Variants in TNNI3K observed in about 807,000 individuals in gnomAD.
TNNI3K encodes the protein serine/threonine-protein kinase TNNI3K.
A neutral mutation model predicts 114.5 loss-of-function variants in TNNI3K; 140 were observed. The observed-to-expected ratio is 1.22, with a 90% CI of 1.07 to 1.41. TNNI3K has a LOEUF of 1.41. Among genes scored for constraint, TNNI3K ranks in the 40% most tolerant of loss-of-function variants. The pLI, the probability that TNNI3K is intolerant of heterozygous loss-of-function variation, is 0.00. For missense variants in TNNI3K, 1,125 were observed against 1,007.6 expected, an observed-to-expected ratio of 1.12 and a Z score of -1.58; for synonymous variants, 347 against 347.5, an observed-to-expected ratio of 1.00 and a Z score of 0.02.
chr1:74,441,475 CT>C (rs2100673734), intron 20 of TNNI3K, among the ~76,000 whole-genome samples: 1 of 152,186 alleles, frequency 6.6e-6, no homozygotes, highest in African/African-American at 2.4e-5. Context: ...AAGAATAAAT[CT>C]GCTCAAATAA....
intron 17 of TNNI3K, among the ~76,000 whole-genome samples, chr1:74,419,251 GTC>G (rs1665279945): frequency 6.6e-6 from 1 of 152,012 alleles, no homozygotes; most frequent in Non-Finnish European, 1.5e-5. Flanking sequence ...TCCTCTGTGT[GTC>G]TGTGTCTTCT....
chr1:74,529,834 T>C (rs1557630350), intron 23 of TNNI3K, among the ~76,000 whole-genome samples: 1 of 152,210 alleles, frequency 6.6e-6, no homozygotes, highest in East Asian at 1.9e-4. Context: ...CACATGCCCC[T>C]GCTTTGCTCT....
chr1:74,381,420 G>T (rs1663198679), intron 17 of TNNI3K, among the ~76,000 whole-genome samples: 1 of 152,092 alleles, frequency 6.6e-6, no homozygotes, highest in Non-Finnish European at 1.5e-5. Context: ...TCTTTCGAAA[G>T]AATCTTTTCA....
chr1:74,517,437 G>A (rs1646365475), intron 23 of TNNI3K, among the ~76,000 whole-genome samples: 2 of 152,168 alleles, frequency 1.3e-5, no homozygotes, highest in Admixed American at 1.3e-4. Context: ...CTTGAGCAAG[G>A]TACTGTGCTG....
chr1:74,489,207 G>A lies in TNNI3K; in HGVS notation c.2140G>A (p.Glu714Lys), dbSNP rs1253716559. 1 of 1,611,358 alleles carries A rather than the reference G, an allele frequency of 6.2e-7. No homozygotes were observed. Among genetic ancestry groups the A allele is most frequent in the Non-Finnish European group, 8.5e-7 (1 of 1,178,888 alleles). ...ACPEGRPEFSEVVMKLEECLC... is the reference protein window; with the variant it reads ...ACPEGRPEFSKVVMKLEECLC... ...TTTACAGGGAAGACCCGAATTTTCT[G>A]AAGTTGTCATGAAGTTAGAAGAGTG... Residue 714 changes from glutamate to lysine, a missense_variant, in exon 22 of 25, where the codon GAA (glutamate) becomes AAA (lysine). Transcript: ENST00000326637.
intron 5 of TNNI3K, among the ~76,000 whole-genome samples, chr1:74,305,021 A>T (rs1179079520): frequency 6.6e-6 from 1 of 152,148 alleles, no homozygotes; most frequent in African/African-American, 2.4e-5. Flanking sequence ...GTTATTAATT[A>T]TAATAATATG....
At chr1:74,351,353 C>T (rs1661328048) in intron 9 of TNNI3K, among the ~76,000 whole-genome samples, 1 of 151,430 alleles carries the variant, frequency 6.6e-6, no homozygotes, top group Admixed American at 6.6e-5. Context: ...GTCTGATGGG[C>T]TTCCCTTTGT....
chr1:74,275,211 C>T (rs998037182), intron 5 of TNNI3K, among the ~76,000 whole-genome samples: 1 of 152,004 alleles, frequency 6.6e-6, no homozygotes, highest in Non-Finnish European at 1.5e-5. Context: ...TTTAACTGGA[C>T]TTACAGTTCC....
At chr1:74,243,489 A>G (rs1654372672) in intron 2 of TNNI3K, among the ~76,000 whole-genome samples, 1 of 152,168 alleles carries the variant, frequency 6.6e-6, no homozygotes, top group African/African-American at 2.4e-5. Flanking sequence ...GTTTTAACCA[A>G]TGAATTAGCT....
At chr1:74,501,633 C>T (rs1179544530) in intron 23 of TNNI3K, among the ~76,000 whole-genome samples, 3 of 152,010 alleles carry the variant, frequency 2.0e-5, no homozygotes, top group Non-Finnish European at 4.4e-5. Flanking sequence ...ATTACAGGCA[C>T]GCACTACCAC....
chr1:74,522,927 T>C (rs1054060755), intron 23 of TNNI3K, among the ~76,000 whole-genome samples: 3 of 152,210 alleles, frequency 2.0e-5, no homozygotes, highest in African/African-American at 7.2e-5. Flanking sequence ...AAGCCTACAC[T>C]TCTAACTCCA....
chr1:74,529,136 T>C (rs1646546900), intron 23 of TNNI3K, among the ~76,000 whole-genome samples: 2 of 152,364 alleles, frequency 1.3e-5, no homozygotes, highest in South Asian at 4.1e-4. Context: ...AGAATATTTA[T>C]ATAGTCTCAA....
At chr1:74,255,533 A>G (rs1427452160) in intron 4 of TNNI3K, among the ~76,000 whole-genome samples, 1 of 152,210 alleles carries the variant, frequency 6.6e-6, no homozygotes, top group Non-Finnish European at 1.5e-5. Context: ...TTCATTAATA[A>G]AAGTGAAGCA....
At chr1:74,460,577 A>T (rs1667416072) in intron 20 of TNNI3K, among the ~76,000 whole-genome samples, 1 of 152,254 alleles carries the variant, frequency 6.6e-6, no homozygotes, top group Non-Finnish European at 1.5e-5. Flanking sequence ...TTTTTGTAGC[A>T]ATCAAGGTAA....
chr1:74,477,965 A>G (rs1668289028), intron 21 of TNNI3K, among the ~76,000 whole-genome samples: 1 of 152,200 alleles, frequency 6.6e-6, no homozygotes, highest in African/African-American at 2.4e-5. Context: ...TTCATAGTGT[A>G]AGTGTCAAGA....
chr1:74,471,422 AT>A, intron 21 of TNNI3K: 1 of 400,574 alleles, frequency 2.5e-6, no homozygotes, highest in Non-Finnish European at 4.4e-6. Flanking sequence ...CTTGACAAGG[AT>A]TTTTCTGGAT....
At chr1:74,378,992 G>T (rs566070636) in intron 17 of TNNI3K, among the ~76,000 whole-genome samples, 1 of 151,826 alleles carries the variant, frequency 6.6e-6, no homozygotes, top group African/African-American at 2.4e-5. Context: ...GTTTATTAAT[G>T]TATTTTCACA....
intron 11 of TNNI3K, among the ~76,000 whole-genome samples, chr1:74,354,448 C>T (rs906892003): frequency 6.7e-6 from 1 of 149,062 alleles, no homozygotes; most frequent in African/African-American, 2.5e-5. Flanking sequence ...GTCTTTATCT[C>T]TTATATGGGG....
chr1:74,276,915 T>C (rs917813432), intron 5 of TNNI3K, among the ~76,000 whole-genome samples: 1 of 152,194 alleles, frequency 6.6e-6, no homozygotes, highest in Admixed American at 6.6e-5. Context: ...TTAAATTTAC[T>C]GTGCTTTGAA....
Sources: allele counts gnomAD v4.1 joint callset (sites outside exome capture counted in the v4.1 genomes callset), GRCh38; gene constraint gnomAD v4.1.1; transcripts MANE v1.5; gene names NCBI Gene and HGNC (gene_info 2026-07-23, HGNC 2026-07-21).